Variants in AKAP19 observed in about 807,000 individuals in gnomAD.
AKAP19 encodes A-kinase anchoring protein 19, also known as small A-kinase anchoring protein.
chr2:189,971,475 T>A, the AKAP19 span, among the ~76,000 whole-genome samples: 12 of 152,292 alleles, frequency 7.9e-5, no homozygotes, highest in East Asian at 2.3e-3. Context: ...GCAGCGTGAT[T>A]TATAATCCTT....
At chr2:189,925,580 T>C in the AKAP19 span, among the ~76,000 whole-genome samples, 95 of 152,280 alleles carry the variant, frequency 6.2e-4, no homozygotes, top group Middle Eastern at 6.8e-3. Context: ...GACATGTCCA[T>C]AGGTTCATTT....
chr2:189,925,124 C>G, the AKAP19 span, among the ~76,000 whole-genome samples: 1 of 152,098 alleles, frequency 6.6e-6, no homozygotes, highest in Admixed American at 6.6e-5. Context: ...AAAGATTATC[C>G]TATCCTAAAC....
chr2:190,128,455 A>G, the AKAP19 span, among the ~76,000 whole-genome samples: 7 of 152,230 alleles, frequency 4.6e-5, no homozygotes, highest in Non-Finnish European at 1.5e-5. Flanking sequence ...GTCTTGACAC[A>G]GGGCAAGTGC....
the AKAP19 span, among the ~76,000 whole-genome samples, chr2:190,003,467 G>A: frequency 2.1e-4 from 32 of 152,206 alleles, no homozygotes; most frequent in African/African-American, 7.7e-4. Flanking sequence ...TAGAATTACT[G>A]AGGTAAATAA....
chr2:190,119,609 G>A, the AKAP19 span, among the ~76,000 whole-genome samples: 9 of 152,188 alleles, frequency 5.9e-5, no homozygotes, highest in African/African-American at 2.2e-4. Flanking sequence ...CATATTAAAG[G>A]TTGCCAGCTA....
At chr2:190,038,039 C>T in the AKAP19 span, among the ~76,000 whole-genome samples, 1 of 151,994 alleles carries the variant, frequency 6.6e-6, no homozygotes, top group Non-Finnish European at 1.5e-5. Context: ...ATGATGTGGC[C>T]CTCACAGGTT....
the AKAP19 span, among the ~76,000 whole-genome samples, chr2:189,932,382 T>C: frequency 8.7e-5 from 12 of 138,170 alleles, no homozygotes; most frequent in South Asian, 1.9e-3. Flanking sequence ...CACTCCAGCC[T>C]GGGCGACTGA....
At chr2:189,881,316 C>T in the AKAP19 span, among the ~76,000 whole-genome samples, 9 of 152,236 alleles carry the variant, frequency 5.9e-5, no homozygotes, top group East Asian at 1.9e-4. Context: ...CAGAGTCACC[C>T]GTCTGCTCAC....
chr2:190,033,280 A>G, the AKAP19 span, among the ~76,000 whole-genome samples: 2 of 152,200 alleles, frequency 1.3e-5, no homozygotes, highest in African/African-American at 4.8e-5. Context: ...TACAGATGAC[A>G]GGAATGCTTT....
the AKAP19 span, among the ~76,000 whole-genome samples, chr2:189,895,836 G>A: frequency 6.6e-6 from 1 of 151,752 alleles, no homozygotes; most frequent in Non-Finnish European, 1.5e-5. Context: ...AGAGGTGGGA[G>A]ATCAGTTTAG....
chr2:190,059,197 A>G, the AKAP19 span, among the ~76,000 whole-genome samples: 1 of 151,994 alleles, frequency 6.6e-6, no homozygotes, highest in Non-Finnish European at 1.5e-5. Flanking sequence ...AATTATATCA[A>G]TAGATGAACG....
the AKAP19 span, among the ~76,000 whole-genome samples, chr2:190,097,250 A>G: frequency 6.6e-6 from 1 of 151,838 alleles, no homozygotes; most frequent in African/African-American, 2.4e-5. Context: ...ACAGGCCCCA[A>G]TGTGTGTTGT....
chr2:189,899,592 T>G, the AKAP19 span, among the ~76,000 whole-genome samples: 1 of 65,854 alleles, frequency 1.5e-5, no homozygotes, highest in Non-Finnish European at 6.9e-5. Context: ...TGTAATAAAT[T>G]TGATTTTTTT....
chr2:190,098,269 T>C, the AKAP19 span, among the ~76,000 whole-genome samples: 3 of 152,184 alleles, frequency 2.0e-5, no homozygotes, highest in Admixed American at 2.0e-4. Context: ...AAATTCCTGC[T>C]TGATCCATGG....
the AKAP19 span, among the ~76,000 whole-genome samples, chr2:190,098,053 A>G: frequency 6.6e-6 from 1 of 152,058 alleles, no homozygotes; most frequent in Non-Finnish European, 1.5e-5. Flanking sequence ...TCATTCATGA[A>G]GGTTTGAATC....
the AKAP19 span, chr2:190,202,414 G>A: frequency 6.0e-6 from 1 of 166,884 alleles, no homozygotes; most frequent in African/African-American, 2.4e-5. Context: ...AGGAGCAAAT[G>A]GGAGAAAGAT....
the AKAP19 span, among the ~76,000 whole-genome samples, chr2:190,195,185 T>G: frequency 2.6e-5 from 4 of 152,162 alleles, no homozygotes; most frequent in African/African-American, 9.7e-5. Context: ...ATGCTGAATA[T>G]GTTCCATTGT....
the AKAP19 span, among the ~76,000 whole-genome samples, chr2:190,158,501 T>G: frequency 2.0e-5 from 3 of 152,244 alleles, no homozygotes; most frequent in African/African-American, 7.2e-5. Flanking sequence ...TATATATAGA[T>G]TCTATGTAAA....
the AKAP19 span, among the ~76,000 whole-genome samples, chr2:190,172,095 C>T: frequency 2.0e-5 from 3 of 152,100 alleles, no homozygotes; most frequent in African/African-American, 7.2e-5. Context: ...TCATTTTTTT[C>T]CCATCCATAT....
Sources: allele counts gnomAD v4.1 joint callset (sites outside exome capture counted in the v4.1 genomes callset), GRCh38; gene constraint gnomAD v4.1.1; transcripts MANE v1.5; gene names NCBI Gene and HGNC (gene_info 2026-07-23, HGNC 2026-07-21).